The following TUSC3 variants were observed in gnomAD, a reference collection of about 807,000 sequenced individuals.
TUSC3 encodes the protein tumor suppressor candidate 3, also known as dolichyl-diphosphooligosaccharide--protein glycosyltransferase subunit TUSC3.
In TUSC3, 45 loss-of-function variants were observed where a neutral mutation model predicts 44.8. The observed-to-expected ratio is 1.00, with a 90% CI of 0.79 to 1.29. The LOEUF (loss-of-function observed/expected upper bound fraction) is 1.29, where lower values mean the gene tolerates loss of function less well. Ranked by LOEUF, TUSC3 falls within the 50% of genes most tolerant of loss-of-function variation. The pLI is 0.00. For synonymous variants in TUSC3, 212 were observed against 152.9 expected, an observed-to-expected ratio of 1.39 and a Z score of -2.85; for missense variants, 519 against 437.9, an observed-to-expected ratio of 1.19 and a Z score of -1.65.
chr8:15,461,240 C>G (rs1292102882), intron 1 of TUSC3, among the ~76,000 whole-genome samples: 1 of 151,908 alleles, frequency 6.6e-6, no homozygotes, highest in Non-Finnish European at 1.5e-5. Context: ...GGTCTTTCGC[C>G]TCCTTGTTTA....
intron 1 of TUSC3, among the ~76,000 whole-genome samples, chr8:15,608,692 C>G (rs1804636435): frequency 6.6e-6 from 1 of 152,050 alleles, no homozygotes; most frequent in African/African-American, 2.4e-5. Context: ...GCAGTTTTTC[C>G]TTTGCTTTCA....
intron 1 of TUSC3, among the ~76,000 whole-genome samples, chr8:15,622,505 T>C (rs1805295148): frequency 6.6e-6 from 1 of 152,182 alleles, no homozygotes; most frequent in Admixed American, 6.6e-5. Context: ...ATATTACTAA[T>C]AGCCCAGTTC....
At chr8:15,512,497 G>T (rs192345462) in intron 2 of TUSC3, among the ~76,000 whole-genome samples, 2 of 152,114 alleles carry the variant, frequency 1.3e-5, no homozygotes, top group African/African-American at 4.8e-5. Context: ...CTCTGGCTGG[G>T]CACGGTGGCT....
At chr8:15,836,302 T>G in the TUSC3 span, among the ~76,000 whole-genome samples, 4 of 150,378 alleles carry the variant, frequency 2.7e-5, no homozygotes, top group African/African-American at 9.9e-5. Flanking sequence ...GTGGTGAAAC[T>G]CTGCCTCTAC....
chr8:15,644,763 A>G (rs1320884356), intron 2 of TUSC3, among the ~76,000 whole-genome samples: 2 of 151,798 alleles, frequency 1.3e-5, no homozygotes, highest in African/African-American at 4.8e-5. Context: ...CCTCGGGCTC[A>G]TTTATTTATT....
intron 1 of TUSC3, among the ~76,000 whole-genome samples, chr8:15,570,954 G>GTTTTTCTTTTTTTTTTTTTTTTTTTTT (rs1802850701): frequency 2.2e-5 from 1 of 44,494 alleles, no homozygotes; most frequent in Non-Finnish European, 5.2e-5. Flanking sequence ...TTGCCTATTA[G>GTTTTTCTTTTTTTTTTTTTTTTTTTTT]TTTTTTTTTT....
chr8:15,494,318 TTC>T (rs1358938246), intron 2 of TUSC3, among the ~76,000 whole-genome samples: 28 of 78,848 alleles, frequency 3.6e-4, no homozygotes, highest in Non-Finnish European at 8.5e-4. Context: ...ATCTCTCATC[TTC>T]TTTTTTTTTT....
the TUSC3 span, among the ~76,000 whole-genome samples, chr8:15,785,185 T>G: frequency 2.0e-5 from 3 of 152,124 alleles, no homozygotes; most frequent in Admixed American, 2.0e-4. Context: ...AAGATATCCA[T>G]GTAACCAGTA....
intron 1 of TUSC3, among the ~76,000 whole-genome samples, chr8:15,438,909 G>A (rs78062548): frequency 6.8e-4 from 103 of 152,286 alleles, no homozygotes; most frequent in Non-Finnish European, 1.2e-3. Context: ...AGTTTAATAA[G>A]CACCCAATTT....
chr8:15,562,773 G>T (rs1312605478), intron 1 of TUSC3, among the ~76,000 whole-genome samples: 2 of 152,114 alleles, frequency 1.3e-5, no homozygotes, highest in African/African-American at 4.8e-5. Flanking sequence ...TCTATAGGCA[G>T]TTCACAGCAT....
chr8:15,447,742 C>T (rs1377389836), intron 1 of TUSC3, among the ~76,000 whole-genome samples: 1 of 149,978 alleles, frequency 6.7e-6, no homozygotes, highest in African/African-American at 2.5e-5. Context: ...GGGAAGGTTA[C>T]CGCCACCTCT....
chr8:15,527,416 T>C (rs1434926397), intron 2 of TUSC3, among the ~76,000 whole-genome samples: 1 of 152,096 alleles, frequency 6.6e-6, no homozygotes, highest in Non-Finnish European at 1.5e-5. Flanking sequence ...GGGGTTTTGC[T>C]ATGCTGTCCA....
chr8:15,483,649 A>ATTTTTTTTTTTTCTTTTT (rs1800694744), intron 2 of TUSC3, among the ~76,000 whole-genome samples: 1 of 66,166 alleles, frequency 1.5e-5, no homozygotes, highest in Non-Finnish European at 2.8e-5. Context: ...TAGCACTGTG[A>ATTTTTTTTTTTTCTTTTT]TTTTTTTTTT....
intron 1 of TUSC3, among the ~76,000 whole-genome samples, chr8:15,613,704 A>T (rs776821779): frequency 6.6e-6 from 1 of 152,214 alleles, no homozygotes; most frequent in Non-Finnish European, 1.5e-5. Flanking sequence ...ACAGACTAAT[A>T]CAAATACATA....
chr8:15,584,073 A>C (rs1803494197), intron 1 of TUSC3, among the ~76,000 whole-genome samples: 1 of 152,218 alleles, frequency 6.6e-6, no homozygotes, highest in Non-Finnish European at 1.5e-5. Flanking sequence ...ACAGCAGCTT[A>C]ACTGTTTTAA....
intron 4 of TUSC3, among the ~76,000 whole-genome samples, chr8:15,661,786 C>T (rs1003520277): frequency 2.4e-5 from 3 of 122,790 alleles, no homozygotes; most frequent in Non-Finnish European, 5.2e-5. Flanking sequence ...CTATAAGATA[C>T]TTACAGCTAG....
chr8:15,522,611 A>G (rs1801313309), intron 2 of TUSC3, among the ~76,000 whole-genome samples: 1 of 150,968 alleles, frequency 6.6e-6, no homozygotes, highest in African/African-American at 2.4e-5. Context: ...GACCAGATTG[A>G]GAATACTTTG....
intron 2 of TUSC3, among the ~76,000 whole-genome samples, chr8:15,496,089 G>A (rs1258675959): frequency 6.6e-6 from 1 of 152,048 alleles, no homozygotes; most frequent in Admixed American, 6.6e-5. Flanking sequence ...TTGTCCTGTA[G>A]AGGAAAGCCA....
At chr8:15,454,368 G>T (rs962040) in intron 1 of TUSC3, among the ~76,000 whole-genome samples, 1 of 151,992 alleles carries the variant, frequency 6.6e-6, no homozygotes, top group Non-Finnish European at 1.5e-5. Context: ...CTTTGAGGAG[G>T]CAAGCATCGA....
Sources: gnomAD v4.1 joint callset for allele counts (sites outside exome capture counted in the v4.1 genomes callset) on GRCh38, gnomAD v4.1.1 for gene constraint, MANE v1.5 for transcripts, NCBI Gene and HGNC (gene_info 2026-07-23, HGNC 2026-07-21) for gene names.